The following TSG101 variants were observed in gnomAD, a reference collection of about 807,000 sequenced individuals.
The protein encoded by TSG101 is tumor susceptibility 101.
Under a neutral mutation model 48.5 loss-of-function variants are expected in TSG101, and 19 were observed. That is an observed-to-expected ratio of 0.39 (90% CI 0.27 to 0.58). The LOEUF (loss-of-function observed/expected upper bound fraction) is 0.58, where lower values mean the gene tolerates loss of function less well. Ranked by LOEUF, TSG101 falls within the 20% of genes least tolerant of loss-of-function variation. The pLI is 0.55. For missense variants in TSG101, 365 were observed against 484.4 expected, an observed-to-expected ratio of 0.75 and a Z score of 2.31; for synonymous variants, 174 against 169.4, an observed-to-expected ratio of 1.03 and a Z score of -0.21.
intron 6 of TSG101, among the ~76,000 whole-genome samples, chr11:18,505,652 G>A (rs886148248): frequency 3.9e-5 from 6 of 152,150 alleles, no homozygotes; most frequent in Non-Finnish European, 8.8e-5. Flanking sequence ...TTAACAGACT[G>A]ATTTCATTGT....
At chr11:18,482,200 A>T (rs1849551357) in intron 8 of TSG101, among the ~76,000 whole-genome samples, 1 of 152,210 alleles carries the variant, frequency 6.6e-6, no homozygotes, top group East Asian at 1.9e-4. Context: ...ATAGAAAATC[A>T]TAAGAGGTTT....
intron 2 of TSG101, among the ~76,000 whole-genome samples, chr11:18,518,245 G>GTCT (rs1248342370): frequency 6.6e-6 from 1 of 152,168 alleles, no homozygotes; most frequent in South Asian, 2.1e-4. Flanking sequence ...TTGGGTTCAT[G>GTCT]TCTTTATTGT....
intron 1 of TSG101, 128 bp from the exon 2 acceptor site, chr11:18,519,731 C>A: frequency 1.6e-6 from 1 of 631,628 alleles, no homozygotes; most frequent in Admixed American, 3.1e-5. Context: ...ACCTAAAAAA[C>A]CCATAATACT....
intron 4 of TSG101, among the ~76,000 whole-genome samples, chr11:18,513,058 A>G (rs546843426): frequency 5.2e-4 from 79 of 151,928 alleles, no homozygotes; most frequent in Non-Finnish European, 1.0e-3. Context: ...GGCTCATTCT[A>G]CCTCTAAGTT....
intron 4 of TSG101, among the ~76,000 whole-genome samples, chr11:18,512,723 A>ATTTTTTTT (rs776263228): frequency 1.5e-4 from 18 of 120,352 alleles, no homozygotes; most frequent in Non-Finnish European, 2.5e-4. Flanking sequence ...GGACAGACAG[A>ATTTTTTTT]TTTTTTTTTT....
At chr11:18,496,003 CA>C (rs34996730) in intron 7 of TSG101, among the ~76,000 whole-genome samples, 56,335 of 151,742 alleles carry the variant, frequency 0.37, 10,977 homozygotes, top group East Asian at 0.66. Context: ...GTACATCCTC[CA>C]AAGGGAGGGG....
Position 18,489,035 on chromosome 11 carries a change from A to G in TSG101, c.641-4963T>C, listed in dbSNP as rs184622124. Among the ~76,000 whole-genome samples, 190 of 152,072 alleles carry G rather than the reference A, an allele frequency of 1.2e-3. 2 individuals are homozygous for G. Among genetic ancestry groups the G allele is most frequent in the African/African-American group, 4.2e-3 (176 of 41,488 alleles). ...GAGGCTGAGACAGGAGAATCGCTGG[A>G]ACCCGGGAGGCGGAGGTTGCAGTGA... is the stretch of plus-strand genomic sequence containing the variant. On this transcript the variant is annotated intron_variant, in intron 7 of 9. Coordinates refer to ENST00000251968, the MANE Select transcript of TSG101 (RefSeq NM_006292.4).
chr11:18,521,396 TCTCA>T (rs1850272400), intron 1 of TSG101, among the ~76,000 whole-genome samples: 2 of 126,806 alleles, frequency 1.6e-5, no homozygotes, highest in Admixed American at 1.8e-4. Context: ...TGAGATAGGG[TCTCA>T]CTCTGTCGCT....
In TSG101 at chr11:18,485,008, G is replaced by A. The variant is rs146250716; in HGVS notation, c.641-936C>T. ...GGCTGGAGTGCAGTCGCATGATCTC[G>A]GCTCACTGCAACCTCTGCCTCCTGA... On this transcript the variant is annotated intron_variant, in intron 7 of 9. Transcript: ENST00000251968. Among the ~76,000 whole-genome samples the A allele has an allele frequency of 8.6e-3, 1,110 of 128,550 alleles. 34 individuals carry two copies. The highest frequency in any genetic ancestry group is 0.077 in the East Asian group (331 of 4,300). 84.3% of individuals were successfully genotyped at this position (128,550 alleles called of 152,430 possible).
chr11:18,498,475 C>A (rs1051769938), intron 7 of TSG101, among the ~76,000 whole-genome samples: 9 of 152,068 alleles, frequency 5.9e-5, no homozygotes, highest in Non-Finnish European at 1.3e-4. Context: ...TGATCAGATT[C>A]TAGATATATT....
intron 7 of TSG101, among the ~76,000 whole-genome samples, chr11:18,498,664 C>T (rs775768792): frequency 3.9e-5 from 6 of 152,020 alleles, no homozygotes; most frequent in African/African-American, 9.7e-5. Context: ...ATAACAATCT[C>T]GAGTTCAGGA....
intron 1 of TSG101, among the ~76,000 whole-genome samples, chr11:18,520,335 T>A (rs1199563169): frequency 6.6e-6 from 1 of 152,202 alleles, no homozygotes; most frequent in East Asian, 1.9e-4. Context: ...GTGATTCTCC[T>A]GCCTCAGCCT....
chr11:18,522,058 G>C, intron 1 of TSG101, among the ~76,000 whole-genome samples: 1 of 152,132 alleles, frequency 6.6e-6, no homozygotes, highest in Non-Finnish European at 1.5e-5. Context: ...TGCCTTCTCA[G>C]TCTCTTTGCT....
intron 6 of TSG101, among the ~76,000 whole-genome samples, chr11:18,503,608 G>A (rs947789127): frequency 2.6e-5 from 4 of 151,906 alleles, no homozygotes; most frequent in Non-Finnish European, 5.9e-5. Context: ...TCCTGACCTC[G>A]TGATTCACCC....
chr11:18,509,448 G>A, intron 5 of TSG101, 94 bp downstream of exon 5: 3 of 1,458,946 alleles, frequency 2.1e-6, no homozygotes, highest in Non-Finnish European at 2.7e-6. Flanking sequence ...AAACTAAAAA[G>A]CAAAGAAGTC....
At chr11:18,521,149 T>A (rs1393285033) in intron 1 of TSG101, among the ~76,000 whole-genome samples, 1 of 152,108 alleles carries the variant, frequency 6.6e-6, no homozygotes, top group African/African-American at 2.4e-5. Context: ...CTCTGTGATA[T>A]CAGCAACCAC....
chr11:18,488,242 T>G (rs11024678), intron 7 of TSG101, among the ~76,000 whole-genome samples: 24,673 of 151,980 alleles, frequency 0.16, 2,619 homozygotes, highest in East Asian at 0.41. Flanking sequence ...GGGATTTTTG[T>G]TTTTTTTCTT....
intron 8 of TSG101, 63 bp downstream of exon 8, chr11:18,483,807 T>C (rs1022796142): frequency 5.8e-6 from 9 of 1,563,300 alleles, no homozygotes; most frequent in African/African-American, 1.4e-5. Flanking sequence ...AGGGAACATA[T>C]AGAACACTCT....
At chr11:18,499,402 A>ATATATATATATATATATATTTTTTTT in intron 7 of TSG101, among the ~76,000 whole-genome samples, 1 of 5,452 alleles carries the variant, frequency 1.8e-4, no homozygotes, top group Non-Finnish European at 3.5e-4. Flanking sequence ...ATATATATAT[A>ATATATATATATATATATATTTTTTTT]TTTTTTTTTT....
Sources: allele counts gnomAD v4.1 joint callset (sites outside exome capture counted in the v4.1 genomes callset), GRCh38; gene constraint gnomAD v4.1.1; transcripts MANE v1.5; gene names NCBI Gene and HGNC (gene_info 2026-07-23, HGNC 2026-07-21).